The following PRADC1 variants were observed in gnomAD, a reference collection of about 807,000 sequenced individuals.
PRADC1 encodes the protein protease-associated domain-containing protein 1.
A neutral mutation model predicts 22.9 loss-of-function variants in PRADC1; 23 were observed. The observed-to-expected ratio is 1.00, with a 90% CI of 0.72 to 1.42. The LOEUF is 1.42. Ranked by LOEUF, PRADC1 falls within the 40% of genes most tolerant of loss-of-function variation. The probability of loss-of-function intolerance (pLI) is 0.00; values close to 1 mark genes in which losing one functional copy is unlikely to be tolerated. For synonymous variants in PRADC1, 71 were observed against 100.3 expected (o/e 0.71, Z 1.75); for missense variants, 207 against 258.3 (o/e 0.80, Z 1.36).
At chr2:73,232,506 A>G (rs933802511) in intron 1 of PRADC1, among the ~76,000 whole-genome samples, 2 of 152,078 alleles carry the variant, frequency 1.3e-5, no homozygotes, top group African/African-American at 4.8e-5. Flanking sequence ...GCACTGGGCT[A>G]TACAGTCCTG....
intron 1 of PRADC1, 29 bp downstream of exon 1, chr2:73,233,065 G>C: frequency 6.5e-7 from 1 of 1,529,742 alleles, no homozygotes; most frequent in African/African-American, 1.4e-5. Flanking sequence ...GCCCCGCCCT[G>C]CAACGCAGTC....
At position 73,228,076 on chromosome 2, in the gene PRADC1, CTT is replaced by C. The variant is rs1256044697; in HGVS notation, c.*376_*377del. ...TTTATTGAGTCCCCAAACACCAGCT[CTT>C]TAAACCACTCCAACAACTGCTGTGA... On this transcript the variant is annotated 3_prime_UTR_variant, in exon 5 of 5. Coordinates refer to ENST00000258083, the MANE Select transcript of PRADC1 (RefSeq NM_032319.3). The surrounding 1 kb of genome is among the most constrained non-coding windows in gnomAD (Gnocchi z 4.0). 2 of 259,440 alleles carry C rather than the reference CTT, an allele frequency of 7.7e-6. No individual in the cohort carries two copies. The highest frequency in any genetic ancestry group is 4.3e-5 in the African/African-American group (2 of 46,128). The allele number at this position is 259,440 out of a possible 1,614,324, so 16.1% of individuals were successfully genotyped here.
chr2:73,228,343 C>T lies in PRADC1; in HGVS notation c.*111G>A. 1.4e-6 allele frequency: 2 copies of T among 1,390,198 alleles called. No individual in the cohort carries two copies. Among genetic ancestry groups the T allele is most frequent in the Non-Finnish European group, 2.0e-6 (2 of 1,008,676 alleles). The allele number at this position is 1,390,198 out of a possible 1,614,324, so 86.1% of individuals were successfully genotyped here. A position where few individuals can be genotyped will look rare whatever the true frequency, so the allele number is the denominator to read the frequency against. On this transcript the variant is annotated 3_prime_UTR_variant, in exon 5 of 5. Coordinates refer to ENST00000258083, the MANE Select transcript of PRADC1 (RefSeq NM_032319.3). The surrounding 1 kb of genome is among the most constrained non-coding windows in gnomAD (Gnocchi z 4.0). ...GCAACGCCCAAACCCTTTTCCTCTA[C>T]CTGGCTCCACTTGTCCCCAGATGCT...
Position 73,228,381 on chromosome 2 carries a change from C to A in PRADC1, c.*73G>T. 6.3e-7 allele frequency: 1 copy of A among 1,588,286 alleles called. No homozygotes were observed. Among genetic ancestry groups the A allele is most frequent in the Non-Finnish European group, 8.6e-7 (1 of 1,164,818 alleles). ...GTCCCCAGATGCTATCTCCAAATTC[C>A]AAGTAGCAAAATTCCTGGGTTTCCC... On this transcript the variant is annotated 3_prime_UTR_variant, in exon 5 of 5. Coordinates refer to ENST00000258083, the MANE Select transcript of PRADC1 (RefSeq NM_032319.3). This position sits in a 1 kb window ranked among gnomAD's most constrained non-coding sequence, Gnocchi z 4.0.
intron 1 of PRADC1, 137 bp downstream of exon 1, chr2:73,232,957 C>G: frequency 1.0e-6 from 1 of 1,004,532 alleles, no homozygotes; most frequent in Non-Finnish European, 1.4e-6. Flanking sequence ...CCCACTTATT[C>G]CGGCCGCCCG....
chr2:73,229,075 CATAAGTAA>C, intron 3 of PRADC1, 113 bp from the exon 4 acceptor site: 1 of 910,646 alleles, frequency 1.1e-6, no homozygotes, highest in Non-Finnish European at 1.7e-6. Context: ...TATAAAGGCT[CATAAGTAA>C]ATAGCTAAAA....
rs779122697 is a variant in PRADC1 at position 73,233,171 on chromosome 2, G to T, written c.-11C>A. The stretch of plus-strand genomic sequence containing the variant: ...GGCGCCGGGGACCATCTCCAGGGCC[G>T]GGCCCGGCCCGGCGCCGCGTTTCCT... On this transcript the variant is annotated 5_prime_UTR_variant, in exon 1 of 5. Transcript: ENST00000258083. The T allele has an allele frequency of 3.4e-6, 2 of 591,452 alleles. No homozygotes were observed. The highest frequency in any genetic ancestry group is 1.1e-4 in the African/African-American group (1 of 8,748). 36.6% of individuals were successfully genotyped at this position (591,452 alleles called of 1,614,324 possible).
At chr2:73,232,762 C>T (rs971552877) in intron 1 of PRADC1, among the ~76,000 whole-genome samples, 4 of 152,208 alleles carry the variant, frequency 2.6e-5, no homozygotes, top group African/African-American at 9.7e-5. Flanking sequence ...CATGTGAATG[C>T]TCACATACAT....
At position 73,233,237 on chromosome 2, in the gene PRADC1, G is replaced by C. The variant is rs1302160995; in HGVS notation, c.-77C>G. On this transcript the variant is annotated 5_prime_UTR_variant, in exon 1 of 5. Coordinates refer to ENST00000258083, the MANE Select transcript of PRADC1 (RefSeq NM_032319.3). ...CGCGTCGCTCGCAGGACTTCAGCCT[G>C]ACAGCTGCTCCGGCCTCCCGCCCAC... 1 of 1,010,286 alleles carries C rather than the reference G, an allele frequency of 9.9e-7. No individual in the cohort carries two copies. The highest frequency in any genetic ancestry group is 1.7e-5 in the African/African-American group (1 of 58,430). The allele number at this position is 1,010,286 out of a possible 1,614,324, so 62.6% of individuals were successfully genotyped here. A position where few individuals can be genotyped will look rare whatever the true frequency, so the allele number is the denominator to read the frequency against.
At position 73,228,066 on chromosome 2, in the gene PRADC1, A is replaced by G. The variant is rs937985669; in HGVS notation, c.*388T>C. The G allele has an allele frequency of 2.2e-5, 5 of 227,968 alleles. No homozygotes were observed. The highest frequency in any genetic ancestry group is 4.4e-5 in the Non-Finnish European group (5 of 112,752). 14.1% of individuals were successfully genotyped at this position (227,968 alleles called of 1,614,324 possible). On this transcript the variant is annotated 3_prime_UTR_variant, in exon 5 of 5. Transcript: ENST00000258083. This position sits in a 1 kb window ranked among gnomAD's most constrained non-coding sequence, Gnocchi z 4.0. ...TCAGTGAGGGTTTATTGAGTCCCCA[A>G]ACACCAGCTCTTTAAACCACTCCAA...
chr2:73,229,917 C>A, intron 2 of PRADC1, 196 bp downstream of exon 2: 1 of 594,306 alleles, frequency 1.7e-6, no homozygotes, highest in Non-Finnish European at 3.0e-6. Context: ...CTTGTCCCTC[C>A]ATGGTGCCTA....
At chr2:73,231,105 C>T (rs1438113618) in intron 1 of PRADC1, among the ~76,000 whole-genome samples, 2 of 152,218 alleles carry the variant, frequency 1.3e-5, no homozygotes, top group Non-Finnish European at 1.5e-5. Flanking sequence ...TGTAATTATA[C>T]AGCTTTCATA....
Position 73,228,252 on chromosome 2 carries a change from A to T in PRADC1, c.*202T>A. On this transcript the variant is annotated 3_prime_UTR_variant, in exon 5 of 5. Coordinates refer to ENST00000258083, the MANE Select transcript of PRADC1 (RefSeq NM_032319.3). The surrounding 1 kb of genome is among the most constrained non-coding windows in gnomAD (Gnocchi z 4.0). The stretch of plus-strand genomic sequence containing the variant: ...GGGCCTGTCTCTTGCCTCTTCTTGT[A>T]GCATGAGACACCCTTGGGGGCCCTG... The T allele has an allele frequency of 1.6e-6, 1 of 608,598 alleles. No homozygotes were observed. The highest frequency in any genetic ancestry group is 2.8e-6 in the Non-Finnish European group (1 of 354,282). 37.7% of individuals were successfully genotyped at this position (608,598 alleles called of 1,614,324 possible).
intron 1 of PRADC1, among the ~76,000 whole-genome samples, chr2:73,230,771 T>C (rs1686621581): frequency 6.6e-6 from 1 of 152,220 alleles, no homozygotes; most frequent in African/African-American, 2.4e-5. Context: ...AAATTTAAAC[T>C]CTTTTTAAAC....
At chr2:73,229,634 G>T in intron 2 of PRADC1, 64 bp from the exon 3 acceptor site, 1 of 1,269,386 alleles carries the variant, frequency 7.9e-7, no homozygotes, top group Non-Finnish European at 1.2e-6. Flanking sequence ...TTAGGACTGG[G>T]CTGACAATCC....
chr2:73,228,983 A>G lies in PRADC1; in HGVS notation c.279-21T>C, dbSNP rs751480751. The G allele has an allele frequency of 6.2e-7, 1 of 1,612,028 alleles. No homozygotes were observed. Among genetic ancestry groups the G allele is most frequent in the Non-Finnish European group, 8.5e-7 (1 of 1,179,390 alleles). ...AGCCCCTGGAAGAGGTGGTGATAAG[A>G]CCAAAGGAAAGACAGGTCCTAGCTC... On this transcript the variant is annotated intron_variant, in intron 3 of 4. Transcript: ENST00000258083. The surrounding 1 kb of genome is among the most constrained non-coding windows in gnomAD (Gnocchi z 4.0).
At chr2:73,231,158 C>T (rs186552061) in intron 1 of PRADC1, among the ~76,000 whole-genome samples, 104 of 152,370 alleles carry the variant, frequency 6.8e-4, no homozygotes, top group African/African-American at 2.4e-3. Flanking sequence ...CTCGCTCTGT[C>T]ACCCAGGCTG....
chr2:73,229,815 G>C (rs1686600976), intron 2 of PRADC1: 1 of 588,126 alleles, frequency 1.7e-6, no homozygotes, highest in Non-Finnish European at 3.0e-6. Context: ...GAGAGAGGAA[G>C]TGATGTGCCT....
At position 73,233,231 on chromosome 2, in the gene PRADC1, C is replaced by G; in HGVS notation, c.-71G>C. 9.7e-7 allele frequency: 1 copy of G among 1,032,062 alleles called. No homozygotes were observed. Among genetic ancestry groups the G allele is most frequent in the Non-Finnish European group, 1.3e-6 (1 of 765,466 alleles). The allele number at this position is 1,032,062 out of a possible 1,614,324, so 63.9% of individuals were successfully genotyped here. A position where few individuals can be genotyped will look rare whatever the true frequency, so the allele number is the denominator to read the frequency against. ...CCGCCGCGCGTCGCTCGCAGGACTT[C>G]AGCCTGACAGCTGCTCCGGCCTCCC... is the stretch of plus-strand genomic sequence containing the variant. On this transcript the variant is annotated 5_prime_UTR_variant, in exon 1 of 5. Coordinates refer to ENST00000258083, the MANE Select transcript of PRADC1 (RefSeq NM_032319.3).
Sources: allele counts gnomAD v4.1 joint callset (sites outside exome capture counted in the v4.1 genomes callset), GRCh38; gene constraint gnomAD v4.1.1; non-coding constraint Gnocchi (gnomAD v3.1); transcripts MANE v1.5; gene names NCBI Gene and HGNC (gene_info 2026-07-23, HGNC 2026-07-21).